DPYSL2: variants seen among roughly 807,000 people sequenced by gnomAD.
The protein encoded by DPYSL2 is dihydropyrimidinase like 2.
DPYSL2 carries 13 observed loss-of-function variants against 69.9 expected under a neutral mutation model. The observed-to-expected ratio is 0.19, with a 90% CI of 0.12 to 0.30. The LOEUF (loss-of-function observed/expected upper bound fraction) is 0.30, where lower values mean the gene tolerates loss of function less well. DPYSL2 is among the 10% of genes least tolerant of loss of function. DPYSL2 has a pLI of 1.00. For missense variants in DPYSL2, 587 were observed against 918.9 expected (o/e 0.64, Z 4.67); for synonymous variants, 326 against 359.1 (o/e 0.91, Z 1.04).
Position 26,585,363 on chromosome 8 carries a change from C to T in DPYSL2, c.628+1380C>T, listed in dbSNP as rs550683383. Among the ~76,000 whole-genome samples the T allele has an allele frequency of 5.8e-4, 88 of 152,234 alleles. No homozygotes were observed. The highest frequency in any genetic ancestry group is 1.4e-3 in the African/African-American group (59 of 41,556). On this transcript the variant is annotated intron_variant, in intron 3 of 13. Transcript: ENST00000521913. The surrounding 1 kb of genome is among the most constrained non-coding windows in gnomAD (Gnocchi z 4.0). Reference sequence around the variant, plus strand: ...CATCCCCTCCTAGTCTGAGTTGCCCCGCATTTTAAATCACAACTCATCCTC... The same window carrying T: ...CATCCCCTCCTAGTCTGAGTTGCCCTGCATTTTAAATCACAACTCATCCTC...
Position 26,565,753 on chromosome 8 carries a change from T to C in DPYSL2, c.355-16216T>C, listed in dbSNP as rs1347405461. Among the ~76,000 whole-genome samples, 2 of 152,132 alleles carry C rather than the reference T, an allele frequency of 1.3e-5. No homozygotes were observed. The highest frequency in any genetic ancestry group is 1.3e-4 in the Admixed American group (2 of 15,270). On this transcript the variant is annotated intron_variant, in intron 1 of 13. Coordinates refer to ENST00000521913, the MANE Select transcript of DPYSL2 (RefSeq NM_001197293.3). The surrounding 1 kb of genome is among the most constrained non-coding windows in gnomAD (Gnocchi z 4.1). The stretch of plus-strand genomic sequence containing the variant: ...GTTCAAGGTGGGTGTTTCTGTTGAG[T>C]GGGCAGAGAAAGGTACAGGGTCCCC...
rs1018609126 is a variant in DPYSL2, at chr8:26,591,675, G to T, written c.628+7692G>T. ...CCCCCTCCACCTGAGATATGAGACT[G>T]ATGAATGCAGAACTGCTCTGGTTGG... On this transcript the variant is annotated intron_variant, in intron 3 of 13. Transcript: ENST00000521913. This position sits in a 1 kb window ranked among gnomAD's most constrained non-coding sequence, Gnocchi z 5.8. 2.6e-5 allele frequency among the ~76,000 whole-genome samples: 4 copies of T among 152,196 alleles called. No individual in the cohort carries two copies. The highest frequency in any genetic ancestry group is 5.9e-5 in the Non-Finnish European group (4 of 68,032).
intron 1 of DPYSL2, among the ~76,000 whole-genome samples, chr8:26,527,201 T>C (rs867193001): frequency 9.2e-5 from 14 of 152,352 alleles, no homozygotes; most frequent in Admixed American, 2.0e-4. Flanking sequence ...CCAACCCTGC[T>C]GTGACTGGCA....
At chr8:26,530,113 CAAAAAA>C (rs34448431) in intron 1 of DPYSL2, among the ~76,000 whole-genome samples, 1 of 72,034 alleles carries the variant, frequency 1.4e-5, no homozygotes, top group Non-Finnish European at 2.4e-5. Context: ...ACTCCGTCTC[CAAAAAA>C]AAAAAAAAAA....
In DPYSL2 at chr8:26,653,584, G is replaced by T. The variant is rs1325814435; in HGVS notation, c.1942+187G>T. Reference sequence around the variant, plus strand: ...TTTCTTTTTCTTTTTTTTGAGGCAGGGTCTCGCTCTGTTACCCAGACTGGA... The same window carrying T: ...TTTCTTTTTCTTTTTTTTGAGGCAGTGTCTCGCTCTGTTACCCAGACTGGA... On this transcript the variant is annotated intron_variant, in intron 13 of 13. Transcript: ENST00000521913. This position sits in a 1 kb window ranked among gnomAD's most constrained non-coding sequence, Gnocchi z 5.7. 6.6e-6 allele frequency among the ~76,000 whole-genome samples: 1 copy of T among 152,054 alleles called. No individual in the cohort carries two copies. Among genetic ancestry groups the T allele is most frequent in the Non-Finnish European group, 1.5e-5 (1 of 68,002 alleles).
At chr8:26,599,504 A>C (rs995784080) in intron 3 of DPYSL2, among the ~76,000 whole-genome samples, 1 of 152,076 alleles carries the variant, frequency 6.6e-6, no homozygotes, top group African/African-American at 2.4e-5. Context: ...ATTTTCAAAG[A>C]AAGAAAATTT....
Position 26,640,975 on chromosome 8 carries a change from A to T in DPYSL2, c.1127-2464A>T, listed in dbSNP as rs1304668808. 1.3e-5 allele frequency among the ~76,000 whole-genome samples: 2 copies of T among 152,186 alleles called. No homozygotes were observed. Among genetic ancestry groups the T allele is most frequent in the Non-Finnish European group, 1.5e-5 (1 of 68,036 alleles). On this transcript the variant is annotated intron_variant, in intron 8 of 13. Transcript: ENST00000521913. This position sits in a 1 kb window ranked among gnomAD's most constrained non-coding sequence, Gnocchi z 4.2. Reference sequence around the variant, plus strand: ...TGAAGTGAGGTAGATATTCCTGTGCACAGAGAGAAGGGGAATCCAGCTCCT... The same window carrying T: ...TGAAGTGAGGTAGATATTCCTGTGCTCAGAGAGAAGGGGAATCCAGCTCCT...
At chr8:26,634,295 C>T (rs778446194) in intron 7 of DPYSL2, among the ~76,000 whole-genome samples, 28 of 152,134 alleles carry the variant, frequency 1.8e-4, no homozygotes, top group Non-Finnish European at 3.2e-4. Context: ...GACTTAGTCT[C>T]ACTTTGTTGC....
In DPYSL2 at chr8:26,583,995, A is replaced by C; in HGVS notation, c.628+12A>C. The stretch of plus-strand genomic sequence containing the variant: ...AACCACTATGATCAGTAAGAAGCTT[A>C]AAAATCATCATTGTAGTGCTTAGGA... On this transcript the variant is annotated intron_variant, in intron 3 of 13. Coordinates refer to ENST00000521913, the MANE Select transcript of DPYSL2 (RefSeq NM_001197293.3). 4 of 1,611,750 alleles carry C rather than the reference A, an allele frequency of 2.5e-6. No homozygotes were observed. Among genetic ancestry groups the C allele is most frequent in the Non-Finnish European group, 3.4e-6 (4 of 1,179,056 alleles).
At chr8:26,519,577 A>C (rs969486448) in intron 1 of DPYSL2, among the ~76,000 whole-genome samples, 3 of 152,170 alleles carry the variant, frequency 2.0e-5, no homozygotes, top group Non-Finnish European at 2.9e-5. Flanking sequence ...TACAGGCATT[A>C]TTTACTTTTT....
intron 1 of DPYSL2, among the ~76,000 whole-genome samples, chr8:26,535,898 T>TTGTGTG (rs112620337): frequency 0.024 from 3,379 of 141,194 alleles, 58 homozygotes; most frequent in African/African-American, 0.042. Context: ...TCTCTATGGG[T>TTGTGTG]TGTGTGTGTG....
chr8:26,539,492 G>T (rs753789398), intron 1 of DPYSL2, among the ~76,000 whole-genome samples: 1 of 152,198 alleles, frequency 6.6e-6, no homozygotes, highest in Admixed American at 6.5e-5. Flanking sequence ...TACATACACA[G>T]TAACGTTGAA....
chr8:26,576,122 A>G (rs2129705601), intron 1 of DPYSL2, among the ~76,000 whole-genome samples: 1 of 152,206 alleles, frequency 6.6e-6, no homozygotes, highest in East Asian at 1.9e-4. Flanking sequence ...GGATGAATTA[A>G]CCATCGGTGA....
chr8:26,632,053 T>C (rs1392459186), intron 7 of DPYSL2, among the ~76,000 whole-genome samples: 2 of 152,220 alleles, frequency 1.3e-5, no homozygotes, highest in Non-Finnish European at 2.9e-5. Flanking sequence ...ATGATGGTTC[T>C]CTTGGATTTG....
chr8:26,514,445 G>A lies in DPYSL2; in HGVS notation c.120G>A (p.Pro40=), dbSNP rs778505133. The A allele has an allele frequency of 1.2e-5, 18 of 1,527,378 alleles. No homozygotes were observed. The South Asian group carries it at 1.7e-4, about 14-fold the overall frequency. 94.6% of individuals were successfully genotyped at this position (1,527,378 alleles called of 1,614,324 possible). A position where few individuals can be genotyped will look rare whatever the true frequency, so the allele number is the denominator to read the frequency against. ...AGAAATTCTGTGGCATGTTCTGCCC[G>A]GTGGAAGGGTCCTCGGAGAACAAGA... ...PRQKFCGMFC[P]VEGSSENKTI... is the part of the protein sequence containing the mutation. Residue 40 remains proline (P), a synonymous_variant, in exon 1 of 14, where the codon CCG becomes CCA. Coordinates refer to ENST00000521913, the MANE Select transcript of DPYSL2 (RefSeq NM_001197293.3). This position sits in a 1 kb window ranked among gnomAD's most constrained non-coding sequence, Gnocchi z 8.4.
At chr8:26,574,146 TG>T (rs1345936032) in intron 1 of DPYSL2, among the ~76,000 whole-genome samples, 8 of 151,928 alleles carry the variant, frequency 5.3e-5, no homozygotes, top group Non-Finnish European at 1.0e-4. Context: ...CTTAAGGCTG[TG>T]GGGGTAGGAT....
intron 1 of DPYSL2, among the ~76,000 whole-genome samples, chr8:26,556,623 T>C (rs1359815227): frequency 6.6e-6 from 1 of 151,616 alleles, no homozygotes; most frequent in African/African-American, 2.4e-5. Context: ...AATATGTATA[T>C]ATGTACAGAA....
At chr8:26,630,511 C>T (rs892843344) in intron 7 of DPYSL2, among the ~76,000 whole-genome samples, 2 of 152,346 alleles carry the variant, frequency 1.3e-5, no homozygotes, top group South Asian at 4.1e-4. Flanking sequence ...AAGCTGCCTT[C>T]ATTTAGTGCT....
intron 1 of DPYSL2, among the ~76,000 whole-genome samples, chr8:26,573,666 CA>C (rs11437407): frequency 0.22 from 20,642 of 94,836 alleles, 2,042 homozygotes; most frequent in African/African-American, 0.36. Context: ...AAGACTGTCT[CA>C]AAAAAAAAAA....
Sources: gnomAD v4.1 joint callset for allele counts (sites outside exome capture counted in the v4.1 genomes callset) on GRCh38, gnomAD v4.1.1 for gene constraint, Gnocchi (gnomAD v3.1) non-coding constraint, MANE v1.5 for transcripts, NCBI Gene and HGNC (gene_info 2026-07-23, HGNC 2026-07-21) for gene names.